The following KCNH4 variants were observed in gnomAD, a reference collection of about 807,000 sequenced individuals.
KCNH4 encodes voltage-gated delayed rectifier potassium channel KCNH4.
KCNH4 carries 33 observed loss-of-function variants against 90.7 expected under a neutral mutation model. The observed-to-expected ratio is 0.36, with a 90% CI of 0.28 to 0.49. The LOEUF (loss-of-function observed/expected upper bound fraction) is 0.49, where lower values mean the gene tolerates loss of function less well. KCNH4 is among the 20% of genes least tolerant of loss of function. The pLI is 0.98. For missense variants in KCNH4, 1,044 were observed against 1,387.1 expected (o/e 0.75, Z 3.93); for synonymous variants, 551 against 581.7 (o/e 0.95, Z 0.76).
At chr17:42,174,694 G>A (rs921897370) in intron 6 of KCNH4, among the ~76,000 whole-genome samples, 8 of 152,052 alleles carry the variant, frequency 5.3e-5, no homozygotes, top group African/African-American at 1.4e-4. Context: ...CTGGGGACAC[G>A]GGGTAGCACT....
At position 42,163,248 on chromosome 17, in the gene KCNH4, C is replaced by T. The variant is rs778322670; in HGVS notation, c.2564G>A (p.Arg855His). 1.5e-5 allele frequency: 24 copies of T among 1,613,646 alleles called. No individual in the cohort carries two copies. The highest frequency in any genetic ancestry group is 1.2e-4 in the South Asian group (11 of 91,088). ...CTTACCTGTAGGGGGCGCCTGGGAG[C>T]GGGGCCTTGGCAGTTCAGGCCTCCT... The part of the protein sequence containing the change: ...FSRRPELPRP[R>H]SQAPPTGTRP... Residue 855 changes from arginine (R) to histidine (H), a missense_variant, in exon 14 of 17, where the codon CGC becomes CAC. Physicochemically the swap from Arg to His is conservative, Grantham distance 29 (BLOSUM62 0). Around this residue, in one of 4 missense-constraint regions of KCNH4, gnomAD observed 441 missense variants for 512.3 expected, o/e 0.86. Coordinates refer to ENST00000264661, the MANE Select transcript of KCNH4 (RefSeq NM_012285.3). The surrounding 1 kb of genome is among the most constrained non-coding windows in gnomAD (Gnocchi z 5.4).
chr17:42,178,050 G>A (rs773800146), intron 4 of KCNH4, 50 bp downstream of exon 4: 3 of 1,585,158 alleles, frequency 1.9e-6, no homozygotes, highest in Non-Finnish European at 2.6e-6. Flanking sequence ...GGGTGCCTCA[G>A]AATCAAGGCT....
chr17:42,162,680 T>C (rs1188816322), intron 14 of KCNH4, among the ~76,000 whole-genome samples: 2 of 151,860 alleles, frequency 1.3e-5, no homozygotes, highest in African/African-American at 2.4e-5. Flanking sequence ...GCAACCTCTG[T>C]CTCCGAGGTT....
At chr17:42,171,157 T>TG (rs1245370570) in intron 7 of KCNH4, among the ~76,000 whole-genome samples, 19 of 151,446 alleles carry the variant, frequency 1.3e-4, no homozygotes, top group Non-Finnish European at 2.8e-4. Flanking sequence ...GGATGGTGGT[T>TG]GTGGGGGGGA....
At chr17:42,162,177 C>A in intron 15 of KCNH4, 71 bp downstream of exon 15, 1 of 1,381,248 alleles carries the variant, frequency 7.2e-7, no homozygotes, top group Non-Finnish European at 1.0e-6. Context: ...AACTCCTGAC[C>A]TCAAGTGAGC....
At position 42,175,573 on chromosome 17, in the gene KCNH4, A is replaced by G. The variant is rs1255721591; in HGVS notation, c.987+6T>C. 2 of 1,614,132 alleles carry G rather than the reference A, an allele frequency of 1.2e-6. No homozygotes were observed. The highest frequency in any genetic ancestry group is 1.7e-6 in the Non-Finnish European group (2 of 1,179,984). On this transcript the variant is annotated splice_donor_region_variant and intron_variant, in intron 6 of 16. Coordinates refer to ENST00000264661, the MANE Select transcript of KCNH4 (RefSeq NM_012285.3). Reference sequence around the variant, plus strand: ...TGGACTGGATGGCGGGATGGAGGTCACTCACCACGGTGATGTTGAAGATGT... The same window carrying G: ...TGGACTGGATGGCGGGATGGAGGTCGCTCACCACGGTGATGTTGAAGATGT...
rs561074750 is a variant in KCNH4, at chr17:42,160,398, C to T, written c.2696G>A (p.Arg899Gln). 5.6e-6 allele frequency: 9 copies of T among 1,610,244 alleles called. No homozygotes were observed. The highest frequency in any genetic ancestry group is 4.5e-5 in the East Asian group (2 of 44,768). The part of the protein sequence containing the change: ...RLNQEVSQLS[R>Q]ELRHIMGLLQ... ...CAGGCCCATGATGTGCCGCAGCTCC[C>T]GGCTAAGCTGAGACACCTCCTGATT... is the stretch of plus-strand genomic sequence containing the variant. The change falls in exon 16 of 17, where the codon CGG becomes CAG. Residue 899 changes from arginine (R) to glutamine (Q), a missense_variant. Arg to Gln is a conservative substitution (Grantham distance 43, BLOSUM62 1). Transcript: ENST00000264661.
chr17:42,169,565 A>T lies in KCNH4; in HGVS notation c.1502T>A (p.Val501Glu). The T allele has an allele frequency of 6.2e-7, 1 of 1,613,836 alleles. No individual in the cohort carries two copies. Among genetic ancestry groups the T allele is most frequent in the Non-Finnish European group, 8.5e-7 (1 of 1,180,020 alleles). ...RMKDLKDFIR[V>E]HRLPRPLKQR... The stretch of plus-strand genomic sequence containing the variant: ...CTTGAGCGGCCGCGGCAGGCGGTGC[A>T]CACGGATGAAGTCCTTGAGGTCCTT... Residue 501 changes from valine (V) to glutamate (E), a missense_variant, in exon 9 of 17, where the codon GTG (valine) becomes GAG (glutamate). Around this residue, in one of 4 missense-constraint regions of KCNH4, gnomAD observed 318 missense variants for 479.6 expected, o/e 0.66. Transcript: ENST00000264661.
Position 42,165,685 on chromosome 17 carries a change from C to G in KCNH4, c.1849G>C (p.Asp617His), listed in dbSNP as rs1177175576. ...TCAGGGATATCTGCTCCAATCAGGT[C>G]CCCCTTCCCTGTAGGTAAGGGATGG... is the stretch of plus-strand genomic sequence containing the variant. Reference protein sequence around the residue: ...NMVLAILGKGDLIGADIPEPG... With the variant: ...NMVLAILGKGHLIGADIPEPG... Residue 617 changes from aspartate to histidine, a missense_variant, in exon 11 of 17, where the codon GAC (aspartate) becomes CAC (histidine). Asp to His is a moderately conservative substitution (Grantham distance 81). This residue lies in a region of KCNH4 where 318 missense variants were observed against 479.6 expected (regional missense o/e 0.66). Coordinates refer to ENST00000264661, the MANE Select transcript of KCNH4 (RefSeq NM_012285.3). 6.2e-7 allele frequency: 1 copy of G among 1,614,150 alleles called. No individual in the cohort carries two copies. The highest frequency in any genetic ancestry group is 1.1e-5 in the South Asian group (1 of 91,078).
chr17:42,175,994 G>A lies in KCNH4; in HGVS notation c.829+60C>T, dbSNP rs73986529. The stretch of plus-strand genomic sequence containing the variant: ...CATGTGGGCCCCAGGAGTGGGTGAG[G>A]CTTGGCCAAGTGGATCCCCCCAGCC... On this transcript the variant is annotated intron_variant, in intron 5 of 16. Transcript: ENST00000264661. 996 of 1,545,700 alleles carry A rather than the reference G, an allele frequency of 6.4e-4. 7 individuals carry two copies. In the African/African-American group the frequency reaches 0.012, roughly 19 times the overall value.
Position 42,163,236 on chromosome 17 carries a change from G to A in KCNH4, c.2576C>T (p.Pro859Leu), listed in dbSNP as rs1378645516. Residue 859 changes from proline to leucine, a missense_variant, in exon 14 of 17, where the codon CCC becomes CTC. This residue lies in a region of KCNH4 where 441 missense variants were observed against 512.3 expected (regional missense o/e 0.86). Transcript: ENST00000264661. The surrounding 1 kb of genome is among the most constrained non-coding windows in gnomAD (Gnocchi z 5.4). ...PELPRPRSQA[P>L]PTGTRPSPEL... ...CCACTGTTGGCCCTTACCTGTAGGG[G>A]GCGCCTGGGAGCGGGGCCTTGGCAG... is the stretch of plus-strand genomic sequence containing the variant. 6 of 1,612,590 alleles carry A rather than the reference G, an allele frequency of 3.7e-6. No homozygotes were observed. Among genetic ancestry groups the A allele is most frequent in the Admixed American group, 1.7e-5 (1 of 60,030 alleles).
chr17:42,161,950 C>CTTTTTTTTTTTTT (rs201918737), intron 15 of KCNH4, among the ~76,000 whole-genome samples: 1 of 144,712 alleles, frequency 6.9e-6, no homozygotes. Flanking sequence ...GAATATCTCT[C>CTTTTTTTTTTTTT]TCTTTTTTTT....
chr17:42,176,394 G>A, intron 4 of KCNH4, 97 bp from the exon 5 acceptor site: 3 of 1,190,796 alleles, frequency 2.5e-6, no homozygotes, highest in Non-Finnish European at 3.6e-6. Context: ...TAGCAGGTGG[G>A]CACTGCAAGG....
At position 42,173,693 on chromosome 17, in the gene KCNH4, C is replaced by CTTTTT. The variant is rs532100884; in HGVS notation, c.988-1703_988-1699dup. On this transcript the variant is annotated intron_variant, in intron 6 of 16. Transcript: ENST00000264661. Reference sequence around the variant, plus strand: ...AGACTGGAAGTTTAGCGATCTGGTTCTTTTTTTTTTTTTTTTTTTTTTTTT... The same window carrying CTTTTT: ...AGACTGGAAGTTTAGCGATCTGGTTCTTTTTTTTTTTTTTTTTTTTTTTTTTTTTT... Among the ~76,000 whole-genome samples, 47 of 66,266 alleles carry CTTTTT rather than the reference C, an allele frequency of 7.1e-4. 8 individuals are homozygous for CTTTTT. The highest frequency in any genetic ancestry group is 2.3e-3 in the East Asian group (4 of 1,714). 43.5% of individuals were successfully genotyped at this position (66,266 alleles called of 152,430 possible). A position where few individuals can be genotyped will look rare whatever the true frequency, so the allele number is the denominator to read the frequency against.
chr17:42,174,568 C>T lies in KCNH4; in HGVS notation c.987+1011G>A, dbSNP rs549297680. Among the ~76,000 whole-genome samples, 2 of 152,122 alleles carry T rather than the reference C, an allele frequency of 1.3e-5. 1 individual carries two copies. The highest frequency in any genetic ancestry group is 2.9e-5 in the Non-Finnish European group (2 of 67,998). ...CAGCCAGGAGAGGAGGCCCACAGCC[C>T]GTTGGCGGCTAGTTAAATTCGGCTG... is the stretch of plus-strand genomic sequence containing the variant. On this transcript the variant is annotated intron_variant, in intron 6 of 16. Transcript: ENST00000264661.
In KCNH4 at chr17:42,166,480, G is replaced by T; in HGVS notation, c.1657C>A (p.Gln553Lys). Reference protein sequence around the residue: ...IAMHLNREILQLPLFGAASRG... With the variant: ...IAMHLNREILKLPLFGAASRG... ...CTCGCTGCCCCGAACAACGGCAGCT[G>T]CAGGATCTCCCGATTCAGGTGCATA... Residue 553 changes from glutamine to lysine, a missense_variant, in exon 10 of 17, where the codon CAG becomes AAG. Gln to Lys is a moderately conservative substitution (Grantham distance 53). Coordinates refer to ENST00000264661, the MANE Select transcript of KCNH4 (RefSeq NM_012285.3). The T allele has an allele frequency of 6.2e-7, 1 of 1,614,090 alleles. No individual in the cohort carries two copies. The highest frequency in any genetic ancestry group is 8.5e-7 in the Non-Finnish European group (1 of 1,179,992).
At chr17:42,174,665 G>A (rs966554922) in intron 6 of KCNH4, among the ~76,000 whole-genome samples, 3 of 152,038 alleles carry the variant, frequency 2.0e-5, no homozygotes, top group Non-Finnish European at 4.4e-5. Flanking sequence ...CCACTTGCCC[G>A]CCCCACACCC....
At position 42,171,840 on chromosome 17, in the gene KCNH4, A is replaced by G. The variant is rs1450506154; in HGVS notation, c.1143T>C (p.Tyr381=). 3 of 1,614,162 alleles carry G rather than the reference A, an allele frequency of 1.9e-6. No individual in the cohort carries two copies. Among genetic ancestry groups the G allele is most frequent in the Admixed American group, 1.7e-5 (1 of 60,014 alleles). The change falls in exon 7 of 17, where the codon TAT becomes TAC. Residue 381 remains tyrosine (Y), a synonymous_variant. Transcript: ENST00000264661. The part of the protein sequence containing the change: ...LLAHWMACIW[Y]VIGRREMEAN... Reference sequence around the variant, plus strand: ...CCTCCATCTCCCGGCGCCCGATGACATACCAGATGCAGGCCATCCAGTGGG... The same window carrying G: ...CCTCCATCTCCCGGCGCCCGATGACGTACCAGATGCAGGCCATCCAGTGGG...
chr17:42,161,712 G>A lies in KCNH4; in HGVS notation c.2658+536C>T, dbSNP rs138524698. Among the ~76,000 whole-genome samples, 68 of 152,320 alleles carry A rather than the reference G, an allele frequency of 4.5e-4. 2 individuals carry two copies. Among genetic ancestry groups the A allele is most frequent in the Admixed American group, 2.3e-3 (35 of 15,296 alleles). ...ATGCTCTTATCAGGCTGGGAAACTT[G>A]AGCCAGTCGGGGAGGAAGGAAACCA... On this transcript the variant is annotated intron_variant, in intron 15 of 16. Transcript: ENST00000264661.
Sources: allele counts gnomAD v4.1 joint callset (sites outside exome capture counted in the v4.1 genomes callset), GRCh38; gene constraint gnomAD v4.1.1; regional missense constraint gnomAD v4.1.1; non-coding constraint Gnocchi (gnomAD v3.1); transcripts MANE v1.5; gene names NCBI Gene and HGNC (gene_info 2026-07-23, HGNC 2026-07-21).